The following ITGA10 variants were observed in gnomAD, a reference collection of about 807,000 sequenced individuals.
ITGA10 encodes the protein integrin alpha-10.
ITGA10 carries 105 observed loss-of-function variants against 145.2 expected under a neutral mutation model. The ratio of observed to expected loss-of-function variants is 0.72; its 90% CI spans 0.62 to 0.85. The LOEUF (loss-of-function observed/expected upper bound fraction) is 0.85. ITGA10 is among the 40% of genes least tolerant of loss of function. The pLI, the probability that ITGA10 is intolerant of heterozygous loss-of-function variation, is 0.00. For synonymous variants in ITGA10, 506 were observed against 557.8 expected (o/e 0.91, Z 1.31); for missense variants, 1,317 against 1,444.5 (o/e 0.91, Z 1.43).
At position 145,910,035 on chromosome 1, in the gene ITGA10, G is replaced by T. The variant is rs1553752701; in HGVS notation, c.-21C>A. ...TCCATGCCTGATCGGTTTCTGTCCAGTATGAGAAGTCCTCTGGCCTCTGTC... is the reference window on the plus strand; with the variant it reads ...TCCATGCCTGATCGGTTTCTGTCCATTATGAGAAGTCCTCTGGCCTCTGTC... On this transcript the variant is annotated 5_prime_UTR_variant, in exon 1 of 30. The change creates a new upstream start codon in the 5' untranslated region. Transcript: ENST00000369304. 4 of 1,605,340 alleles carry T rather than the reference G, an allele frequency of 2.5e-6. No individual in the cohort carries two copies. Among genetic ancestry groups the T allele is most frequent in the Non-Finnish European group, 2.6e-6 (3 of 1,172,574 alleles).
At chr1:145,909,292 CCT>C (rs1553752438) in intron 1 of ITGA10, among the ~76,000 whole-genome samples, 4 of 151,038 alleles carry the variant, frequency 2.6e-5, no homozygotes, top group African/African-American at 7.3e-5. Context: ...AGAGTGAGAC[CCT>C]GTTTCAAAAA....
chr1:145,909,689 AATAT>A (rs1259294551), intron 1 of ITGA10, among the ~76,000 whole-genome samples: 1 of 40,482 alleles, frequency 2.5e-5, no homozygotes, highest in East Asian at 4.8e-4. Context: ...TATTATATAT[AATAT>A]ATAATTATAC....
chr1:145,909,195 G>A (rs782805397), intron 1 of ITGA10, among the ~76,000 whole-genome samples: 85 of 151,674 alleles, frequency 5.6e-4, no homozygotes, highest in African/African-American at 2.0e-3. Context: ...AGCTACTCGG[G>A]AGGCTAAGGT....
chr1:145,899,126 A>G, intron 16 of ITGA10, 48 bp from the exon 17 acceptor site: 1 of 1,614,204 alleles, frequency 6.2e-7, no homozygotes, highest in Non-Finnish European at 8.5e-7. Flanking sequence ...CTAGTGAGGA[A>G]GGCATGCAAG....
In ITGA10 at chr1:145,901,050, A is replaced by G; in HGVS notation, c.1588-57T>C. 6.2e-7 allele frequency: 1 copy of G among 1,612,522 alleles called. No individual in the cohort carries two copies. Among genetic ancestry groups the G allele is most frequent in the Non-Finnish European group, 8.5e-7 (1 of 1,178,830 alleles). On this transcript the variant is annotated intron_variant, in intron 13 of 29. Transcript: ENST00000369304. This position sits in a 1 kb window ranked among gnomAD's most constrained non-coding sequence, Gnocchi z 4.3. ...TCTGGCAGACCCAACCTCTCAGCAA[A>G]CCCTCAAATATGTGCACCTTCCCTC...
At chr1:145,903,090 T>A (rs1656615452) in intron 7 of ITGA10, 129 bp from the exon 8 acceptor site, 1 of 888,148 alleles carries the variant, frequency 1.1e-6, no homozygotes, top group African/African-American at 1.7e-5. Context: ...AGCACTTCCC[T>A]GAGGTCAGGC....
chr1:145,901,336 T>C lies in ITGA10; in HGVS notation c.1444-58A>G. 1 of 1,592,580 alleles carries C rather than the reference T, an allele frequency of 6.3e-7. No individual in the cohort carries two copies. ...AAAAGGGAAGGTAACTGTAGACAAG[T>C]GGACTCAGTGGGAAGCACTCACCAG... On this transcript the variant is annotated intron_variant, in intron 12 of 29. Coordinates refer to ENST00000369304, the MANE Select transcript of ITGA10 (RefSeq NM_003637.5). This position sits in a 1 kb window ranked among gnomAD's most constrained non-coding sequence, Gnocchi z 4.3.
intron 7 of ITGA10, 63 bp from the exon 8 acceptor site, chr1:145,903,024 T>TACACACACACACACACACACACAC (rs55794832): frequency 4.5e-5 from 17 of 379,250 alleles, no homozygotes; most frequent in Middle Eastern, 6.5e-4. Context: ...CACACACACA[T>TACACACACACACACACACACACAC]ACACACACAC....
At chr1:145,904,954 G>A in intron 5 of ITGA10, 143 bp from the exon 6 acceptor site, 1 of 782,236 alleles carries the variant, frequency 1.3e-6, no homozygotes, top group South Asian at 2.1e-5. Flanking sequence ...CTCTGTGTAA[G>A]TGTAGAAATT....
intron 14 of ITGA10, 50 bp downstream of exon 14, chr1:145,900,740 C>T: frequency 6.4e-7 from 1 of 1,570,878 alleles, no homozygotes; most frequent in Non-Finnish European, 8.8e-7. Flanking sequence ...GAGCATCCCC[C>T]TATTCCTCTT....
intron 24 of ITGA10, 44 bp downstream of exon 24, chr1:145,896,224 T>C (rs782502621): frequency 1.1e-4 from 167 of 1,531,750 alleles, no homozygotes; most frequent in Non-Finnish European, 1.3e-4. Flanking sequence ...AAAGCTGTTG[T>C]TCCCCCACAT....
chr1:145,897,183 A>C, intron 21 of ITGA10, 64 bp downstream of exon 21: 1 of 1,578,018 alleles, frequency 6.3e-7, no homozygotes. Flanking sequence ...CTGAAGTCCC[A>C]GGACCCTCAG....
At chr1:145,905,021 A>G (rs1553750621) in intron 5 of ITGA10, among the ~76,000 whole-genome samples, 2 of 152,008 alleles carry the variant, frequency 1.3e-5, no homozygotes, top group African/African-American at 4.8e-5. Flanking sequence ...TATACATATA[A>G]ATGTATATAT....
intron 3 of ITGA10, 45 bp downstream of exon 3, chr1:145,906,996 A>G (rs1553751368): frequency 2.9e-6 from 4 of 1,391,674 alleles, no homozygotes; most frequent in Non-Finnish European, 3.9e-6. Flanking sequence ...CTTCTAGAGT[A>G]TCAAAGTCAG....
In ITGA10 at chr1:145,899,240, C is replaced by CA. The variant is rs1429429935; in HGVS notation, c.2023dup (p.Cys675LeufsTer32). The CA allele has an allele frequency of 2.3e-5, 37 of 1,614,252 alleles. No individual in the cohort carries two copies. Among genetic ancestry groups the CA allele is most frequent in the Non-Finnish European group, 3.1e-5 (37 of 1,180,040 alleles). On this transcript the variant is annotated frameshift_variant, in exon 16 of 30. Coordinates refer to ENST00000369304, the MANE Select transcript of ITGA10 (RefSeq NM_003637.5). LOFTEE classifies it high-confidence loss of function. ...TTGGAAGCAAAGGGCTGCAGTCAGA[C>CA]AGACTGCCTCTTGGCCTCGCCGCCT...
intron 6 of ITGA10, 109 bp downstream of exon 6, chr1:145,904,575 G>A (rs1570902701): frequency 1.7e-6 from 2 of 1,167,318 alleles, no homozygotes; most frequent in East Asian, 2.4e-5. Flanking sequence ...AGGTCTCACT[G>A]TATTGCCCAG....
chr1:145,900,998 T>C lies in ITGA10; in HGVS notation c.1588-5A>G, dbSNP rs781868778. ...TTGGAGGGTCAGCAAGGACTGCTGG[T>C]GGAGGAGAGAAGATAGAAGATGCTA... is the stretch of plus-strand genomic sequence containing the variant. On this transcript the variant is annotated splice_region_variant and splice_polypyrimidine_tract_variant and intron_variant, in intron 13 of 29. Coordinates refer to ENST00000369304, the MANE Select transcript of ITGA10 (RefSeq NM_003637.5). 1 of 1,613,844 alleles carries C rather than the reference T, an allele frequency of 6.2e-7. No individual in the cohort carries two copies. Among genetic ancestry groups the C allele is most frequent in the Admixed American group, 1.7e-5 (1 of 59,972 alleles).
chr1:145,896,133 C>G (rs1655363930), intron 24 of ITGA10, 37 bp from the exon 25 acceptor site: 1 of 1,560,612 alleles, frequency 6.4e-7, no homozygotes, highest in African/African-American at 1.4e-5. Flanking sequence ...AAGTGGGAGA[C>G]AGAAGACCCT....
chr1:145,906,386 T>C lies in ITGA10; in HGVS notation c.481+8A>G. On this transcript the variant is annotated splice_region_variant and intron_variant, in intron 5 of 29. Transcript: ENST00000369304. ...GGGAACCAAGTACTCAGCCTTCCTC[T>C]GGCTCACGTTGGGCAGTGGGTGCCA... is the stretch of plus-strand genomic sequence containing the variant. The C allele has an allele frequency of 6.2e-7, 1 of 1,607,862 alleles. No homozygotes were observed. Among genetic ancestry groups the C allele is most frequent in the Non-Finnish European group, 8.5e-7 (1 of 1,174,602 alleles).
Sources: gnomAD v4.1 joint callset for allele counts (sites outside exome capture counted in the v4.1 genomes callset) on GRCh38, gnomAD v4.1.1 for gene constraint, Gnocchi (gnomAD v3.1) non-coding constraint, MANE v1.5 for transcripts, NCBI Gene and HGNC (gene_info 2026-07-23, HGNC 2026-07-21) for gene names.